Variants in DDX60 observed in about 807,000 individuals in gnomAD.
The protein encoded by DDX60 is DExD/H-box helicase 60, also known as probable ATP-dependent RNA helicase DDX60.
A neutral mutation model predicts 212.8 loss-of-function variants in DDX60; 165 were observed. That is an observed-to-expected ratio of 0.78 (90% CI 0.68 to 0.88). The LOEUF is 0.88. Among genes scored for constraint, DDX60 ranks in the 40% least tolerant of loss-of-function variants. DDX60 has a pLI of 0.00. For missense variants in DDX60, 1,905 were observed against 2,003.9 expected, an observed-to-expected ratio of 0.95 and a Z score of 0.94; for synonymous variants, 703 against 685.3, an observed-to-expected ratio of 1.03 and a Z score of -0.40.
intron 8 of DDX60, among the ~76,000 whole-genome samples, chr4:168,290,351 C>T (rs376020267): frequency 5.9e-5 from 8 of 135,298 alleles, no homozygotes; most frequent in East Asian, 4.4e-4. Flanking sequence ...TTTTTTGAGA[C>T]GGAGCCTCGC....
chr4:168,275,425 A>G lies in DDX60; in HGVS notation c.2224T>C (p.Tyr742His), dbSNP rs770712263. The G allele has an allele frequency of 6.2e-7, 1 of 1,613,262 alleles. No homozygotes were observed. Among genetic ancestry groups the G allele is most frequent in the South Asian group, 1.1e-5 (1 of 90,820 alleles). ...GIGPARFQLQ[Y>H]MGHYLIRDER... ...TCTCGTATCAAATAATGGCCCATGT[A>G]TTGCAGTTGGAACCGAGCTGGCCCA... Residue 742 changes from tyrosine to histidine, a missense_variant, in exon 16 of 38, where the codon TAC becomes CAC. Transcript: ENST00000393743.
chr4:168,263,624 T>C (rs1446942067), intron 22 of DDX60: 1 of 152,112 alleles, frequency 6.6e-6, no homozygotes, highest in African/African-American at 2.4e-5. Flanking sequence ...ATGGGATTAA[T>C]GCTGTTATAA....
At position 168,256,585 on chromosome 4, in the gene DDX60, T is replaced by C. The variant is rs76135700; in HGVS notation, c.3399-716A>G. 7.1e-3 allele frequency among the ~76,000 whole-genome samples: 1,077 copies of C among 152,316 alleles called. 11 individuals carry two copies. Among genetic ancestry groups the C allele is most frequent in the African/African-American group, 0.025 (1,028 of 41,578 alleles). ...ATGGCTGCAGATCAAATTCTCCTGA[T>C]ACATGAAAAGTAAAATGTTTCTAGA... On this transcript the variant is annotated intron_variant, in intron 25 of 37. Coordinates refer to ENST00000393743, the MANE Select transcript of DDX60 (RefSeq NM_017631.6).
At chr4:168,254,011 GA>G (rs767454193) in intron 26 of DDX60, among the ~76,000 whole-genome samples, 19 of 152,346 alleles carry the variant, frequency 1.2e-4, no homozygotes, top group Middle Eastern at 3.4e-3. Flanking sequence ...ACTCAGGGGA[GA>G]ACGCTCTGAC....
chr4:168,267,858 G>C lies in DDX60; in HGVS notation c.2912C>G (p.Ser971Trp). The change falls in exon 21 of 38, where the codon TCG becomes TGG. Residue 971 changes from serine (S) to tryptophan (W), a missense_variant. By Grantham distance (177) the Ser-to-Trp change is radical. Coordinates refer to ENST00000393743, the MANE Select transcript of DDX60 (RefSeq NM_017631.6). ...AAACATACCAAGTCTAACTTTATAC[G>C]ATTGTTTTACTTGCAAGTAGTCTTT... Reference protein sequence around the residue: ...FPKDYLQVKQSYKVRLVLYGE... With the variant: ...FPKDYLQVKQWYKVRLVLYGE... The C allele has an allele frequency of 6.2e-7, 1 of 1,611,536 alleles. No homozygotes were observed. Among genetic ancestry groups the C allele is most frequent in the Non-Finnish European group, 8.5e-7 (1 of 1,178,834 alleles).
chr4:168,300,566 T>C (rs1018730040), intron 6 of DDX60, among the ~76,000 whole-genome samples: 2 of 149,414 alleles, frequency 1.3e-5, no homozygotes, highest in African/African-American at 2.5e-5. Flanking sequence ...ACGATCTATG[T>C]GTTTAACACC....
chr4:168,319,895 TTA>T (rs201003263), upstream of DDX60, among the ~76,000 whole-genome samples: 3 of 152,076 alleles, frequency 2.0e-5, no homozygotes, highest in East Asian at 5.8e-4. Flanking sequence ...TTGTGAAAAA[TTA>T]GAGAGTCAAG....
chr4:168,292,049 C>CTTTTTTTCCTTTT, intron 7 of DDX60, 143 bp from the exon 8 acceptor site: 1 of 302,362 alleles, frequency 3.3e-6, no homozygotes, highest in Non-Finnish European at 5.6e-6. Context: ...TTCTTTCTTT[C>CTTTTTTTCCTTTT]TTTTTTTTTT....
intron 19 of DDX60, 63 bp from the exon 20 acceptor site, chr4:168,269,032 T>C: frequency 1.1e-6 from 1 of 928,662 alleles, no homozygotes; most frequent in Non-Finnish European, 1.6e-6. Flanking sequence ...AAATGAAAGT[T>C]AAGACATGGA....
chr4:168,216,969 C>T lies in DDX60; in HGVS notation c.5103G>A (p.Leu1701=). 1 of 1,605,544 alleles carries T rather than the reference C, an allele frequency of 6.2e-7. No homozygotes were observed. Among genetic ancestry groups the T allele is most frequent in the Non-Finnish European group, 8.5e-7 (1 of 1,177,348 alleles). ...TTAACTTTTCCCAAAAAGTTGTACT[C>T]AGTTGTTCAAAGGCTAAGACAACGT... The part of the protein sequence containing the change: ...DDNVVLAFEQ[L]STTFWEKLNK... Residue 1701 remains leucine, a synonymous_variant, in exon 38 of 38, where the codon CTG becomes CTA. Coordinates refer to ENST00000393743, the MANE Select transcript of DDX60 (RefSeq NM_017631.6).
At chr4:168,233,805 A>G (rs141230052) in intron 33 of DDX60, among the ~76,000 whole-genome samples, 1 of 152,168 alleles carries the variant, frequency 6.6e-6, no homozygotes, top group East Asian at 1.9e-4. Flanking sequence ...AATCACTACT[A>G]AAGAACTTAT....
intron 5 of DDX60, among the ~76,000 whole-genome samples, chr4:168,305,285 C>T (rs982237468): frequency 3.3e-5 from 5 of 152,162 alleles, no homozygotes; most frequent in African/African-American, 7.2e-5. Context: ...CCATGTGATG[C>T]ATGACTGTAC....
chr4:168,262,241 T>A, intron 23 of DDX60, 113 bp from the exon 24 acceptor site: 1 of 1,155,822 alleles, frequency 8.7e-7, no homozygotes, highest in Non-Finnish European at 1.2e-6. Flanking sequence ...CAGAGATGGT[T>A]AAACTTTTTA....
At chr4:168,245,683 A>T (rs1176893179) in intron 30 of DDX60, among the ~76,000 whole-genome samples, 1 of 152,200 alleles carries the variant, frequency 6.6e-6, no homozygotes, top group Non-Finnish European at 1.5e-5. Context: ...CATGTTAATC[A>T]CTATACAAAA....
chr4:168,309,291 A>G (rs1258667446), intron 3 of DDX60, among the ~76,000 whole-genome samples: 5 of 152,204 alleles, frequency 3.3e-5, no homozygotes, highest in African/African-American at 1.2e-4. Context: ...TAGTGATGCC[A>G]GAAGTGTTCC....
At chr4:168,256,427 T>C (rs1408739761) in intron 25 of DDX60, among the ~76,000 whole-genome samples, 1 of 152,174 alleles carries the variant, frequency 6.6e-6, no homozygotes, top group East Asian at 1.9e-4. Context: ...TTTATACTTC[T>C]TGAAATGTAA....
intron 9 of DDX60, 102 bp downstream of exon 9, chr4:168,288,072 A>T: frequency 1.4e-6 from 1 of 698,516 alleles, no homozygotes; most frequent in Non-Finnish European, 2.3e-6. Flanking sequence ...AATAATTGCT[A>T]TGTTATATGT....
intron 6 of DDX60, among the ~76,000 whole-genome samples, chr4:168,297,828 A>T (rs540034405): frequency 1.3e-4 from 20 of 152,198 alleles, no homozygotes; most frequent in African/African-American, 4.3e-4. Context: ...TCAGGGAGGC[A>T]AGGAGGTTGC....
chr4:168,282,276 A>G (rs72693159), intron 13 of DDX60, among the ~76,000 whole-genome samples: 4,658 of 152,186 alleles, frequency 0.031, 98 homozygotes, highest in Non-Finnish European at 0.048. Context: ...GTAATTTGTG[A>G]TTATTTTTTG....
Sources: allele counts gnomAD v4.1 joint callset (sites outside exome capture counted in the v4.1 genomes callset), GRCh38; gene constraint gnomAD v4.1.1; transcripts MANE v1.5; gene names NCBI Gene and HGNC (gene_info 2026-07-23, HGNC 2026-07-21).